The following SRGAP2 variants were observed in gnomAD, a reference collection of about 807,000 sequenced individuals.
The protein encoded by SRGAP2 is SLIT-ROBO Rho GTPase-activating protein 2.
SRGAP2 carries 15 observed loss-of-function variants against 57.2 expected under a neutral mutation model. The observed-to-expected ratio is 0.26, with a 90% CI of 0.18 to 0.40. The LOEUF (loss-of-function observed/expected upper bound fraction) is 0.40. SRGAP2 is among the 10% of genes least tolerant of loss of function. SRGAP2 has a pLI of 1.00. For synonymous variants in SRGAP2, 249 were observed against 248.0 expected, an observed-to-expected ratio of 1.00 and a Z score of -0.04; for missense variants, 520 against 669.6, an observed-to-expected ratio of 0.78 and a Z score of 2.47.
At chr1:206,450,113 A>G (rs888769032) in intron 18 of SRGAP2, among the ~76,000 whole-genome samples, 1 of 152,178 alleles carries the variant, frequency 6.6e-6, no homozygotes, top group East Asian at 1.9e-4. Context: ...TCTATTTTCT[A>G]AAGAATTTAG....
chr1:206,351,052 T>C lies in SRGAP2; in HGVS notation c.423+8044T>C, dbSNP rs372990428. ...ATTTAAAACTAAAAGCAGTGCATGT[T>C]ACCTATCTGTTTGGTATCCATTTGG... is the stretch of plus-strand genomic sequence containing the variant. On this transcript the variant is annotated intron_variant, in intron 4 of 22. Coordinates refer to ENST00000573034, the MANE Select transcript of SRGAP2 (RefSeq NM_015326.5). Among the ~76,000 whole-genome samples the C allele has an allele frequency of 1.6e-4, 25 of 152,300 alleles. No homozygotes were observed. The East Asian group carries it at 3.9e-3, about 24-fold the overall frequency.
intron 18 of SRGAP2, among the ~76,000 whole-genome samples, chr1:206,448,688 T>C (rs1180933972): frequency 6.6e-6 from 1 of 152,198 alleles, no homozygotes; most frequent in African/African-American, 2.4e-5. Flanking sequence ...GTTGCCTTAC[T>C]GGCTGGCTGT....
intron 2 of SRGAP2, among the ~76,000 whole-genome samples, chr1:206,255,893 C>T (rs1235000238): frequency 6.6e-6 from 1 of 150,472 alleles, no homozygotes; most frequent in African/African-American, 2.5e-5. Flanking sequence ...TGGGCTCAAG[C>T]GAATTAATCC....
chr1:206,367,263 G>C (rs1291362714), intron 4 of SRGAP2, among the ~76,000 whole-genome samples: 2 of 152,148 alleles, frequency 1.3e-5, no homozygotes, highest in Non-Finnish European at 2.9e-5. Context: ...TGTCTTTCTT[G>C]CTGTGAAAAT....
chr1:206,279,231 C>T (rs1670586720), intron 2 of SRGAP2, among the ~76,000 whole-genome samples: 1 of 42,920 alleles, frequency 2.3e-5, no homozygotes, highest in South Asian at 7.6e-4. Context: ...GCCCCCACCC[C>T]CCATTCTCTG....
At chr1:206,436,838 C>T in intron 14 of SRGAP2, 127 bp from the exon 15 acceptor site, 1 of 697,668 alleles carries the variant, frequency 1.4e-6, no homozygotes. Flanking sequence ...TCTCCTTTGG[C>T]CTAAAGAAGA....
chr1:206,360,117 T>C (rs1676797583), intron 4 of SRGAP2, among the ~76,000 whole-genome samples: 2 of 152,110 alleles, frequency 1.3e-5, no homozygotes, highest in South Asian at 4.1e-4. Flanking sequence ...ATATTGCTCT[T>C]TTATATAGGG....
intron 13 of SRGAP2, among the ~76,000 whole-genome samples, chr1:206,423,949 ATTTTTTTT>A (rs782243765): frequency 2.3e-5 from 2 of 87,726 alleles, no homozygotes; most frequent in African/African-American, 8.4e-5. Flanking sequence ...TAATTTATGT[ATTTTTTTT>A]TTTTTTTTTT....
intron 17 of SRGAP2, among the ~76,000 whole-genome samples, chr1:206,442,353 T>A (rs1662382684): frequency 6.6e-6 from 1 of 152,222 alleles, no homozygotes; most frequent in Non-Finnish European, 1.5e-5. Context: ...CTCTGCTAAT[T>A]ACTCTCGAGT....
chr1:206,454,672 ATTAT>A lies in SRGAP2; in HGVS notation c.2361-199_2361-196del, dbSNP rs1245712227. The A allele has an allele frequency of 9.1e-6, 5 of 547,814 alleles. No homozygotes were observed. The highest frequency in any genetic ancestry group is 1.6e-5 in the Non-Finnish European group (5 of 312,116). The allele number at this position is 547,814 out of a possible 1,614,324, so 33.9% of individuals were successfully genotyped here. On this transcript the variant is annotated intron_variant, in intron 20 of 22. Coordinates refer to ENST00000573034, the MANE Select transcript of SRGAP2 (RefSeq NM_015326.5). The surrounding 1 kb of genome is among the most constrained non-coding windows in gnomAD (Gnocchi z 4.3). ...CTGAGGAGCCCGCAGAACTCAGCGG[ATTAT>A]TTATTTTTATTTAAACGACCCTTCA...
At chr1:206,333,760 T>C (rs1479402802) in intron 3 of SRGAP2, among the ~76,000 whole-genome samples, 1 of 152,342 alleles carries the variant, frequency 6.6e-6, no homozygotes, top group East Asian at 1.9e-4. Flanking sequence ...TGCCCAAAGT[T>C]ACCTGGCTAG....
intron 2 of SRGAP2, among the ~76,000 whole-genome samples, chr1:206,262,991 T>C: frequency 7.1e-6 from 1 of 141,380 alleles, no homozygotes. Context: ...ATACAGAGCG[T>C]ACCTGAATCA....
intron 13 of SRGAP2, among the ~76,000 whole-genome samples, chr1:206,423,025 G>A (rs894260129): frequency 1.3e-5 from 2 of 152,216 alleles, no homozygotes; most frequent in South Asian, 4.1e-4. Context: ...ATAATTGTTT[G>A]TTTATGGCAA....
At chr1:206,260,406 G>A (rs1669478071) in intron 2 of SRGAP2, among the ~76,000 whole-genome samples, 1 of 152,184 alleles carries the variant, frequency 6.6e-6, no homozygotes, top group Admixed American at 6.5e-5. Flanking sequence ...AGGCATATAT[G>A]TTGACGAGTA....
intron 2 of SRGAP2, among the ~76,000 whole-genome samples, chr1:206,283,162 G>A (rs1336965421): frequency 3.3e-5 from 5 of 152,140 alleles, no homozygotes; most frequent in African/African-American, 4.8e-5. Flanking sequence ...TCCTCTGCGA[G>A]CCCCTTGCTG....
At chr1:206,418,926 G>GTGTT (rs1486796069) in intron 11 of SRGAP2, among the ~76,000 whole-genome samples, 1,636 of 150,542 alleles carry the variant, frequency 0.011, 15 homozygotes, top group Non-Finnish European at 0.017. Flanking sequence ...GTGTGTGTGT[G>GTGTT]TGTGTGTGTG....
Position 206,463,172 on chromosome 1 carries a change from A to G in SRGAP2, c.*1752A>G, listed in dbSNP as rs1664369109. The G allele has an allele frequency of 6.6e-6, 1 of 152,390 alleles. No homozygotes were observed. Among genetic ancestry groups the G allele is most frequent in the African/African-American group, 2.4e-5 (1 of 41,354 alleles). 9.4% of individuals were successfully genotyped at this position (152,390 alleles called of 1,614,324 possible). A position where few individuals can be genotyped will look rare whatever the true frequency, so the allele number is the denominator to read the frequency against. On this transcript the variant is annotated 3_prime_UTR_variant, in exon 23 of 23. Coordinates refer to ENST00000573034, the MANE Select transcript of SRGAP2 (RefSeq NM_015326.5). ...GATTTTTTTTTTTTTAATCCTGTGC[A>G]AAGGAAAAGAGGTGCTTTGTGGGAA...
intron 4 of SRGAP2, among the ~76,000 whole-genome samples, chr1:206,373,976 A>C (rs1374918131): frequency 6.6e-6 from 1 of 151,462 alleles, no homozygotes; most frequent in Non-Finnish European, 1.5e-5. Context: ...CCTAAATGAC[A>C]TATATGGATA....
At chr1:206,416,093 T>C (rs1659679818) in intron 11 of SRGAP2, 120 bp downstream of exon 11, 1 of 614,536 alleles carries the variant, frequency 1.6e-6, no homozygotes, top group East Asian at 2.7e-5. Context: ...ATGCCTTTCT[T>C]TTCTTGGCTT....
Sources: allele counts gnomAD v4.1 joint callset (sites outside exome capture counted in the v4.1 genomes callset), GRCh38; gene constraint gnomAD v4.1.1; non-coding constraint Gnocchi (gnomAD v3.1); transcripts MANE v1.5; gene names NCBI Gene and HGNC (gene_info 2026-07-23, HGNC 2026-07-21).